Variants in ACYP2 observed in about 807,000 individuals in gnomAD.
ACYP2 encodes the protein acylphosphatase-2.
Under a neutral mutation model 11.2 loss-of-function variants are expected in ACYP2, and 12 were observed. The ratio of observed to expected loss-of-function variants is 1.08; its 90% CI spans 0.69 to 1.74. The LOEUF (loss-of-function observed/expected upper bound fraction) is 1.74, where lower values mean the gene tolerates loss of function less well. Ranked by LOEUF, ACYP2 falls within the 40% of genes most tolerant of loss-of-function variation. The probability of loss-of-function intolerance (pLI) is 0.00; values close to 1 mark genes in which losing one functional copy is unlikely to be tolerated. For synonymous variants in ACYP2, 43 were observed against 32.2 expected, an observed-to-expected ratio of 1.33 and a Z score of -1.13; for missense variants, 134 against 101.9, an observed-to-expected ratio of 1.31 and a Z score of -1.35.
intron 2 of ACYP2, among the ~76,000 whole-genome samples, chr2:54,013,859 T>G (rs1673533599): frequency 6.6e-6 from 1 of 151,972 alleles, no homozygotes; most frequent in African/African-American, 2.4e-5. Flanking sequence ...AATGGAAGGC[T>G]TAAGAAACTC....
chr2:54,051,893 A>G, intron 3 of ACYP2: 1 of 267,854 alleles, frequency 3.7e-6, no homozygotes, highest in South Asian at 3.8e-5. Context: ...AAAAAAATAC[A>G]AAAATTAGCT....
chr2:54,301,479 G>A (rs747339586), intron 6 of ACYP2, among the ~76,000 whole-genome samples: 26 of 151,100 alleles, frequency 1.7e-4, no homozygotes, highest in Non-Finnish European at 3.1e-4. Context: ...CTCTTCTATT[G>A]GAATGTAAGT....
chr2:54,017,227 C>G (rs113034158), intron 2 of ACYP2, among the ~76,000 whole-genome samples: 35 of 144,196 alleles, frequency 2.4e-4, no homozygotes, highest in African/African-American at 9.3e-4. Context: ...GGCCCCCTCT[C>G]TTTATACAAT....
intron 2 of ACYP2, among the ~76,000 whole-genome samples, chr2:54,031,038 C>G (rs1346153095): frequency 1.3e-5 from 2 of 152,164 alleles, no homozygotes; most frequent in East Asian, 3.9e-4. Context: ...GGCGCAGACA[C>G]AATGTGACAT....
At chr2:54,198,745 A>G (rs1047312972) in intron 6 of ACYP2, among the ~76,000 whole-genome samples, 14 of 152,240 alleles carry the variant, frequency 9.2e-5, no homozygotes, top group African/African-American at 3.4e-4. Context: ...CCAATAAATC[A>G]AAGAAAACAT....
intron 4 of ACYP2, among the ~76,000 whole-genome samples, chr2:54,072,630 T>G (rs1677125207): frequency 1.3e-5 from 2 of 151,202 alleles, no homozygotes; most frequent in Non-Finnish European, 3.0e-5. Flanking sequence ...TAGCACAGGC[T>G]TGGCTCACTG....
chr2:53,995,051 T>G (rs1182710697), intron 2 of ACYP2, among the ~76,000 whole-genome samples: 2 of 152,150 alleles, frequency 1.3e-5, no homozygotes, highest in Non-Finnish European at 2.9e-5. Context: ...AAAGAAGACA[T>G]AAAGAATATT....
chr2:54,100,090 CTT>C (rs1462776864), intron 4 of ACYP2, among the ~76,000 whole-genome samples: 16 of 152,144 alleles, frequency 1.1e-4, no homozygotes, highest in African/African-American at 3.9e-4. Flanking sequence ...ATCACATACT[CTT>C]TTCTGTAATC....
At chr2:54,222,672 T>C (rs1685849440) in intron 6 of ACYP2, among the ~76,000 whole-genome samples, 1 of 152,110 alleles carries the variant, frequency 6.6e-6, no homozygotes. Context: ...GAAATCTACA[T>C]ATAAATTAGC....
intron 6 of ACYP2, among the ~76,000 whole-genome samples, chr2:54,218,696 G>GGTAATAGGTA (rs1370981846): frequency 2.0e-5 from 3 of 151,902 alleles, no homozygotes; most frequent in Non-Finnish European, 4.4e-5. Flanking sequence ...GTGGTATAGT[G>GGTAATAGGTA]GTACTAGGTT....
intron 6 of ACYP2, among the ~76,000 whole-genome samples, chr2:54,282,778 T>A (rs1688904465): frequency 6.6e-6 from 1 of 152,154 alleles, no homozygotes; most frequent in African/African-American, 2.4e-5. Flanking sequence ...GTGTGACTTA[T>A]AATTAAATGC....
intron 2 of ACYP2, among the ~76,000 whole-genome samples, chr2:53,982,227 T>C (rs1671799371): frequency 6.6e-6 from 1 of 152,218 alleles, no homozygotes; most frequent in Admixed American, 6.5e-5. Flanking sequence ...ATAATTTGAA[T>C]AGCCAGCAAG....
chr2:54,011,357 C>T (rs1303582507), intron 2 of ACYP2, among the ~76,000 whole-genome samples: 2 of 152,072 alleles, frequency 1.3e-5, no homozygotes, highest in African/African-American at 4.8e-5. Flanking sequence ...GTTCTCTCTC[C>T]TGCTGTTCTG....
At chr2:53,992,145 T>G (rs1220403218) in intron 2 of ACYP2, among the ~76,000 whole-genome samples, 1 of 149,526 alleles carries the variant, frequency 6.7e-6, no homozygotes, top group Non-Finnish European at 1.5e-5. Flanking sequence ...CTTCCTTCCT[T>G]TCTTTCTTTC....
chr2:54,128,104 G>A (rs1680651841), intron 4 of ACYP2, among the ~76,000 whole-genome samples: 2 of 152,348 alleles, frequency 1.3e-5, no homozygotes, highest in East Asian at 1.9e-4. Flanking sequence ...ATAAGTTCTA[G>A]AATTTTGAGA....
chr2:54,019,073 T>G lies in ACYP2; in HGVS notation c.63-31885T>G, dbSNP rs368056946. 7.8e-4 allele frequency among the ~76,000 whole-genome samples: 117 copies of G among 149,060 alleles called. 2 individuals carry two copies. In the South Asian group the frequency reaches 0.018, roughly 23 times the overall value. On this transcript the variant is annotated intron_variant, in intron 2 of 6. Transcript: ENST00000607452. ...TTTTTTATTATTATTATTATTATGT[T>G]TTTTTTTTTTGGCAACAAGGCCTTG...
chr2:54,027,028 AT>A (rs1464194524), intron 2 of ACYP2, among the ~76,000 whole-genome samples: 1 of 152,170 alleles, frequency 6.6e-6, no homozygotes, highest in Non-Finnish European at 1.5e-5. Context: ...GTAACCAAAC[AT>A]TATCCGTTCT....
At chr2:53,988,153 C>A (rs1668466181) in intron 2 of ACYP2, among the ~76,000 whole-genome samples, 1 of 151,938 alleles carries the variant, frequency 6.6e-6, no homozygotes, top group South Asian at 2.1e-4. Flanking sequence ...TTACTTGAGT[C>A]CAGGAGTTCA....
chr2:54,153,389 A>G (rs1260220196), intron 6 of ACYP2, among the ~76,000 whole-genome samples: 1 of 149,700 alleles, frequency 6.7e-6, no homozygotes, highest in Non-Finnish European at 1.5e-5. Context: ...GCTTTGTAAT[A>G]TAGTTTGAAG....
Sources: allele counts gnomAD v4.1 joint callset (sites outside exome capture counted in the v4.1 genomes callset), GRCh38; gene constraint gnomAD v4.1.1; transcripts MANE v1.5; gene names NCBI Gene and HGNC (gene_info 2026-07-23, HGNC 2026-07-21).